GRAMD4: variants seen among roughly 807,000 people sequenced by gnomAD.
The protein encoded by GRAMD4 is GRAM domain containing 4, also known as GRAM domain-containing protein 4.
Under a neutral mutation model 83.9 loss-of-function variants are expected in GRAMD4, and 25 were observed. The observed-to-expected ratio is 0.30, with a 90% CI of 0.22 to 0.42. The LOEUF is 0.42. GRAMD4 is among the 10% of genes least tolerant of loss of function. GRAMD4 has a pLI of 1.00. For synonymous variants in GRAMD4, 336 were observed against 320.9 expected, an observed-to-expected ratio of 1.05 and a Z score of -0.50; for missense variants, 593 against 788.7, an observed-to-expected ratio of 0.75 and a Z score of 2.97.
intron 3 of GRAMD4, among the ~76,000 whole-genome samples, chr22:46,651,610 G>A (rs2082166983): frequency 1.3e-5 from 2 of 152,358 alleles, no homozygotes; most frequent in Middle Eastern, 3.4e-3. Context: ...GCACATGTCT[G>A]TGCCCAAGAC....
chr22:46,644,700 T>TTTTTTG, intron 3 of GRAMD4, among the ~76,000 whole-genome samples: 7 of 4,458 alleles, frequency 1.6e-3, no homozygotes, highest in Admixed American at 2.5e-3. Flanking sequence ...GTTCCCTGTT[T>TTTTTTG]TTTTTTTTTT....
At chr22:46,616,615 T>C (rs2081500158), upstream of GRAMD4, among the ~76,000 whole-genome samples, 1 of 135,780 alleles carries the variant, frequency 7.4e-6, no homozygotes, top group Admixed American at 7.1e-5. Context: ...GGTTCCCCTG[T>C]GTGTGTAGGT....
chr22:46,681,177 GAC>G (rs1443207731), downstream of GRAMD4, among the ~76,000 whole-genome samples: 2 of 148,852 alleles, frequency 1.3e-5, no homozygotes, highest in Non-Finnish European at 3.0e-5. Flanking sequence ...CCTCCACACA[GAC>G]AGGGGGCAGT....
At chr22:46,658,593 A>G (rs984193243) in intron 4 of GRAMD4, among the ~76,000 whole-genome samples, 1 of 152,024 alleles carries the variant, frequency 6.6e-6, no homozygotes, top group East Asian at 1.9e-4. Flanking sequence ...GGCCAGGCCA[A>G]CTGAAGAGAG....
chr22:46,644,951 T>C (rs1008963466), intron 3 of GRAMD4, among the ~76,000 whole-genome samples: 3 of 138,280 alleles, frequency 2.2e-5, no homozygotes, highest in African/African-American at 8.1e-5. Flanking sequence ...GGCTTCACCA[T>C]GTTGCCCAGG....
chr22:46,597,189 G>A (rs996124334), intron 1 of GRAMD4, among the ~76,000 whole-genome samples: 3 of 152,176 alleles, frequency 2.0e-5, no homozygotes, highest in African/African-American at 7.2e-5. Flanking sequence ...TGTAGGCCCT[G>A]GAGGTGGCAC....
At chr22:46,577,403 C>CCGCCGCCGCCGCCGCCGA in intron 1 of GRAMD4, 1 of 462,896 alleles carries the variant, frequency 2.2e-6, no homozygotes, top group Non-Finnish European at 2.8e-6. Flanking sequence ...CTCCCCGCCG[C>CCGCCGCCGCCGCCGCCGA]CGCCGCCGCC....
At chr22:46,661,902 A>G (rs993402594) in intron 5 of GRAMD4, among the ~76,000 whole-genome samples, 4 of 152,154 alleles carry the variant, frequency 2.6e-5, no homozygotes, top group Admixed American at 6.5e-5. Flanking sequence ...CTCGTCCTCC[A>G]TCCCTGAGTG....
intron 1 of GRAMD4, among the ~76,000 whole-genome samples, chr22:46,586,210 C>T (rs775032597): frequency 6.6e-6 from 1 of 152,256 alleles, no homozygotes; most frequent in South Asian, 2.1e-4. Context: ...TGCCTATGCC[C>T]TTACCTGGGG....
intron 3 of GRAMD4, among the ~76,000 whole-genome samples, chr22:46,641,912 G>T (rs996097711): frequency 2.6e-5 from 4 of 152,250 alleles, no homozygotes; most frequent in East Asian, 3.8e-4. Context: ...AAGGGGCAGG[G>T]TGCATGGTTG....
intron 3 of GRAMD4, among the ~76,000 whole-genome samples, chr22:46,656,136 A>T (rs781532284): frequency 3.3e-5 from 5 of 152,078 alleles, no homozygotes; most frequent in Non-Finnish European, 7.4e-5. Context: ...ATGCTGAAGG[A>T]CACTGAAACC....
intron 10 of GRAMD4, among the ~76,000 whole-genome samples, 195 bp downstream of exon 10, chr22:46,667,068 C>T (rs1026462918): frequency 5.3e-5 from 8 of 152,218 alleles, no homozygotes; most frequent in South Asian, 2.1e-4. Context: ...GCTGCAAGCC[C>T]GGCCCCACAT....
At chr22:46,585,354 C>G (rs1345810001) in intron 1 of GRAMD4, among the ~76,000 whole-genome samples, 1 of 152,154 alleles carries the variant, frequency 6.6e-6, no homozygotes, top group African/African-American at 2.4e-5. Context: ...CAACGCCCAG[C>G]TAATTTTGTA....
chr22:46,644,697 G>GTTTTTTTTTTTTTTTTTTTTT (rs71192437), intron 3 of GRAMD4, among the ~76,000 whole-genome samples: 1 of 97,338 alleles, frequency 1.0e-5, no homozygotes, highest in Non-Finnish European at 2.0e-5. Flanking sequence ...CTTGTTCCCT[G>GTTTTTTTTTTTTTTTTTTTTT]TTTTTTTTTT....
rs2081570089 is a variant in GRAMD4 at position 46,621,223 on chromosome 22, T to C, written c.-50+658T>C. 6.6e-6 allele frequency among the ~76,000 whole-genome samples: 1 copy of C among 152,162 alleles called. No homozygotes were observed. ...CCCGGGTCTGGCCTGAGGTGCAGCCTGGAGCTATGCTCAGTGTGTAGACGG... is the reference window on the plus strand; with the variant it reads ...CCCGGGTCTGGCCTGAGGTGCAGCCCGGAGCTATGCTCAGTGTGTAGACGG... On this transcript the variant is annotated intron_variant, in intron 1 of 18. Coordinates refer to ENST00000406902, the MANE Select transcript of GRAMD4 (RefSeq NM_015124.5). This position sits in a 1 kb window ranked among gnomAD's most constrained non-coding sequence, Gnocchi z 5.8.
At chr22:46,651,579 G>C (rs552304766) in intron 3 of GRAMD4, among the ~76,000 whole-genome samples, 144 of 152,332 alleles carry the variant, frequency 9.5e-4, no homozygotes, top group African/African-American at 3.3e-3. Context: ...CTGCCACCTG[G>C]ACTCTGCTCA....
chr22:46,595,104 C>T (rs193186705), intron 1 of GRAMD4, among the ~76,000 whole-genome samples: 5 of 152,196 alleles, frequency 3.3e-5, no homozygotes, highest in African/African-American at 1.2e-4. Flanking sequence ...GCCCCACATG[C>T]GGCCCGGGGG....
intron 3 of GRAMD4, among the ~76,000 whole-genome samples, chr22:46,653,861 G>T (rs1324352094): frequency 6.6e-6 from 1 of 152,118 alleles, no homozygotes; most frequent in Non-Finnish European, 1.5e-5. Context: ...AGGCCTGCCG[G>T]GAGCAAGCCT....
At chr22:46,648,812 A>G (rs1344822160) in intron 3 of GRAMD4, among the ~76,000 whole-genome samples, 1 of 138,240 alleles carries the variant, frequency 7.2e-6, no homozygotes. Flanking sequence ...GCATGGATGG[A>G]TGGATGGATG....
Sources: gnomAD v4.1 joint callset for allele counts (sites outside exome capture counted in the v4.1 genomes callset) on GRCh38, gnomAD v4.1.1 for gene constraint, Gnocchi (gnomAD v3.1) non-coding constraint, MANE v1.5 for transcripts, NCBI Gene and HGNC (gene_info 2026-07-23, HGNC 2026-07-21) for gene names.